LINGO2: variants seen among roughly 807,000 people sequenced by gnomAD.
LINGO2 encodes the protein leucine rich repeat and Ig domain containing 2.
In LINGO2, 14 loss-of-function variants were observed where a neutral mutation model predicts 30.6. That is an observed-to-expected ratio of 0.46 (90% CI 0.30 to 0.72). The LOEUF (loss-of-function observed/expected upper bound fraction) is 0.72. LINGO2 is among the 30% of genes least tolerant of loss of function. The pLI is 0.07. For missense variants in LINGO2, 729 were observed against 751.7 expected (o/e 0.97, Z 0.35); for synonymous variants, 317 against 288.5 (o/e 1.10, Z -1.00).
At chr9:28,995,884 G>T in the LINGO2 span, among the ~76,000 whole-genome samples, 21 of 82,398 alleles carry the variant, frequency 2.5e-4, no homozygotes, top group Non-Finnish European at 6.2e-4. Context: ...GTAGGGGGAT[G>T]GGGGAGGGAT....
chr9:28,726,532 T>C, the LINGO2 span, among the ~76,000 whole-genome samples: 3 of 152,292 alleles, frequency 2.0e-5, no homozygotes, highest in East Asian at 5.8e-4. Flanking sequence ...CTACTGAATA[T>C]TGCCTGTAAA....
At chr9:29,169,459 G>A in the LINGO2 span, among the ~76,000 whole-genome samples, 1 of 151,858 alleles carries the variant, frequency 6.6e-6, no homozygotes. Context: ...ATTAAAAAGT[G>A]GGCAAAAGAC....
intron 4 of LINGO2, among the ~76,000 whole-genome samples, chr9:28,048,256 C>T (rs1388219794): frequency 6.6e-6 from 1 of 150,982 alleles, no homozygotes; most frequent in Non-Finnish European, 1.5e-5. Flanking sequence ...TCGGGAAACA[C>T]ATTGCCCCAA....
At chr9:29,007,486 C>A in the LINGO2 span, among the ~76,000 whole-genome samples, 2 of 152,048 alleles carry the variant, frequency 1.3e-5, no homozygotes, top group Non-Finnish European at 2.9e-5. Context: ...GGCAGTGCAC[C>A]TACCCATATT....
intron 4 of LINGO2, among the ~76,000 whole-genome samples, chr9:28,059,359 C>A (rs12340962): frequency 6.6e-6 from 1 of 151,952 alleles, no homozygotes; most frequent in African/African-American, 2.4e-5. Context: ...TGATGCCCCC[C>A]CACCCCACCG....
At chr9:28,535,711 C>G (rs1821410920) in intron 1 of LINGO2, among the ~76,000 whole-genome samples, 1 of 146,466 alleles carries the variant, frequency 6.8e-6, no homozygotes. Flanking sequence ...TGCACACACA[C>G]ACACACGTGT....
the LINGO2 span, among the ~76,000 whole-genome samples, chr9:29,071,521 A>ATG: frequency 1.4e-5 from 2 of 140,196 alleles, no homozygotes; most frequent in East Asian, 4.2e-4. Context: ...ATATATATGT[A>ATG]TATGTATATA....
chr9:28,774,772 T>C, the LINGO2 span, among the ~76,000 whole-genome samples: 2 of 152,166 alleles, frequency 1.3e-5, no homozygotes, highest in East Asian at 1.9e-4. Context: ...ACACAAAGTA[T>C]TGCAAAGTTC....
chr9:27,955,973 C>T (rs1036255843), intron 5 of LINGO2, among the ~76,000 whole-genome samples: 23 of 132,738 alleles, frequency 1.7e-4, no homozygotes, highest in Non-Finnish European at 3.1e-4. Flanking sequence ...GAGTTTCGCT[C>T]TTGTTGCCCA....
At chr9:28,746,554 C>G in the LINGO2 span, among the ~76,000 whole-genome samples, 1 of 151,998 alleles carries the variant, frequency 6.6e-6, no homozygotes, top group East Asian at 1.9e-4. Context: ...AAGACAATCT[C>G]AGCTTTTCCA....
At chr9:28,328,366 G>T (rs1825303847) in intron 3 of LINGO2, among the ~76,000 whole-genome samples, 3 of 152,050 alleles carry the variant, frequency 2.0e-5, no homozygotes, top group South Asian at 4.1e-4. Context: ...AATGAGAGTT[G>T]GTTGTGAAGC....
intron 2 of LINGO2, among the ~76,000 whole-genome samples, chr9:28,402,275 A>T (rs149021093): frequency 6.6e-6 from 1 of 152,240 alleles, no homozygotes; most frequent in East Asian, 1.9e-4. Context: ...TTTTATTTGT[A>T]TTTCCTCTCT....
At chr9:28,535,359 C>A (rs1314379902) in intron 1 of LINGO2, among the ~76,000 whole-genome samples, 1 of 151,878 alleles carries the variant, frequency 6.6e-6, no homozygotes, top group Non-Finnish European at 1.5e-5. Flanking sequence ...TATTAGTATT[C>A]TGATAAAAGA....
the LINGO2 span, among the ~76,000 whole-genome samples, chr9:28,992,884 T>C: frequency 3.3e-5 from 5 of 151,930 alleles, no homozygotes; most frequent in African/African-American, 1.2e-4. Context: ...GGGAAATTTA[T>C]AGCACTAAAT....
At chr9:28,384,444 T>C (rs925303127) in intron 2 of LINGO2, among the ~76,000 whole-genome samples, 2 of 151,492 alleles carry the variant, frequency 1.3e-5, no homozygotes, top group Middle Eastern at 3.4e-3. Flanking sequence ...ATTGTAGTTA[T>C]TGATACGTTT....
the LINGO2 span, among the ~76,000 whole-genome samples, chr9:28,922,470 A>T: frequency 3.3e-5 from 5 of 152,168 alleles, no homozygotes; most frequent in Non-Finnish European, 7.3e-5. Flanking sequence ...TTCTTGCTCA[A>T]TGGATATCCA....
chr9:28,648,207 T>C (rs1363468302), intron 1 of LINGO2, among the ~76,000 whole-genome samples: 1 of 152,146 alleles, frequency 6.6e-6, no homozygotes, highest in East Asian at 1.9e-4. Flanking sequence ...GTTCAGGTGA[T>C]GCTTTGCAAA....
chr9:28,126,359 T>G (rs985415301), intron 4 of LINGO2, among the ~76,000 whole-genome samples: 2 of 152,098 alleles, frequency 1.3e-5, no homozygotes, highest in African/African-American at 4.8e-5. Context: ...ATAATGGCTT[T>G]AAGTGGAAGG....
intron 4 of LINGO2, among the ~76,000 whole-genome samples, chr9:28,089,778 C>G (rs1276946026): frequency 2.0e-5 from 3 of 152,076 alleles, no homozygotes; most frequent in East Asian, 1.9e-4. Flanking sequence ...AATCCAGGAG[C>G]TGGTTTTTTG....
Sources: allele counts gnomAD v4.1 joint callset (sites outside exome capture counted in the v4.1 genomes callset), GRCh38; gene constraint gnomAD v4.1.1; transcripts MANE v1.5; gene names NCBI Gene and HGNC (gene_info 2026-07-23, HGNC 2026-07-21).